Variants in LDLRAD3 observed in about 807,000 individuals in gnomAD.
LDLRAD3 encodes the protein low density lipoprotein receptor class A domain containing 3.
A neutral mutation model predicts 29.4 loss-of-function variants in LDLRAD3; 20 were observed. The observed-to-expected ratio is 0.68, with a 90% CI of 0.48 to 0.99. The LOEUF is 0.99. Among genes scored for constraint, LDLRAD3 ranks in the 50% least tolerant of loss-of-function variants. LDLRAD3 has a pLI of 0.00. For missense variants in LDLRAD3, 420 were observed against 454.3 expected, an observed-to-expected ratio of 0.92 and a Z score of 0.69; for synonymous variants, 157 against 192.7, an observed-to-expected ratio of 0.81 and a Z score of 1.53.
intron 4 of LDLRAD3, among the ~76,000 whole-genome samples, chr11:36,128,158 AAC>A (rs1853869978): frequency 1.1e-5 from 1 of 90,624 alleles, no homozygotes; most frequent in South Asian, 4.0e-4. Context: ...TAGGCAATTA[AAC>A]TTAGAATGGG....
intron 2 of LDLRAD3, among the ~76,000 whole-genome samples, chr11:36,072,593 C>T (rs1401434669): frequency 6.6e-6 from 1 of 152,158 alleles, no homozygotes; most frequent in Non-Finnish European, 1.5e-5. Flanking sequence ...CTCTAGGGTA[C>T]CCTGCCTAAA....
chr11:36,074,873 T>A (rs1290532045), intron 2 of LDLRAD3, among the ~76,000 whole-genome samples: 1 of 152,176 alleles, frequency 6.6e-6, no homozygotes, highest in Admixed American at 6.5e-5. Flanking sequence ...CTGTAGACTT[T>A]CCCAGCAGAA....
At chr11:36,049,438 A>C (rs1338565357) in intron 2 of LDLRAD3, among the ~76,000 whole-genome samples, 1 of 152,028 alleles carries the variant, frequency 6.6e-6, no homozygotes, top group Non-Finnish European at 1.5e-5. Flanking sequence ...GACCAGAGAG[A>C]CTCTCTCACT....
intron 4 of LDLRAD3, among the ~76,000 whole-genome samples, chr11:36,203,586 A>G (rs1221898189): frequency 6.6e-6 from 1 of 152,186 alleles, no homozygotes; most frequent in Non-Finnish European, 1.5e-5. Flanking sequence ...TAAGAGCCGG[A>G]GTGCGAGTGT....
intron 1 of LDLRAD3, among the ~76,000 whole-genome samples, chr11:36,013,736 G>C (rs1370388183): frequency 2.0e-5 from 3 of 151,900 alleles, no homozygotes; most frequent in Non-Finnish European, 4.4e-5. Flanking sequence ...TACAAAGTCT[G>C]TTTCCTTTTC....
chr11:35,947,466 C>T (rs549016392), intron 1 of LDLRAD3, among the ~76,000 whole-genome samples: 3 of 150,974 alleles, frequency 2.0e-5, no homozygotes, highest in South Asian at 4.2e-4. Flanking sequence ...GCCAAGATCG[C>T]GCCGCTGCAC....
Position 36,036,090 on chromosome 11 carries a change from C to T in LDLRAD3, c.47-13C>T, listed in dbSNP as rs949205609. Reference sequence around the variant, plus strand: ...GTTGCTGTGCCGTCTGACCTGTCCCCTCTCTCTGACAGAGAGCCAGCTGCT... The same window carrying T: ...GTTGCTGTGCCGTCTGACCTGTCCCTTCTCTCTGACAGAGAGCCAGCTGCT... On this transcript the variant is annotated splice_polypyrimidine_tract_variant and intron_variant, in intron 1 of 5. Coordinates refer to ENST00000315571, the MANE Select transcript of LDLRAD3 (RefSeq NM_174902.4). 6.2e-7 allele frequency: 1 copy of T among 1,612,724 alleles called. No homozygotes were observed. The highest frequency in any genetic ancestry group is 1.3e-5 in the African/African-American group (1 of 74,914).
intron 1 of LDLRAD3, among the ~76,000 whole-genome samples, chr11:36,000,840 C>CTGCT (rs1478344988): frequency 6.6e-6 from 1 of 152,076 alleles, no homozygotes; most frequent in Non-Finnish European, 1.5e-5. Context: ...GGATAGGAGG[C>CTGCT]TGCTGTAGTG....
In LDLRAD3 at chr11:36,229,732, T is replaced by G. The variant is rs556754579; in HGVS notation, c.*335T>G. ...AGGCTGGGAGAGAGCAATGTTTCTG[T>G]GCTATATTGGATGCTCAGAAGTGCA... On this transcript the variant is annotated 3_prime_UTR_variant, in exon 6 of 6. Transcript: ENST00000315571. 13 of 260,506 alleles carry G rather than the reference T, an allele frequency of 5.0e-5. 1 individual carries two copies. In the East Asian group the frequency reaches 9.4e-4, roughly 19 times the overall value. The allele number at this position is 260,506 out of a possible 1,614,324, so 16.1% of individuals were successfully genotyped here.
At position 36,090,862 on chromosome 11, in the gene LDLRAD3, A is replaced by G. The variant is rs540247035; in HGVS notation, c.320-7465A>G. 2.6e-5 allele frequency among the ~76,000 whole-genome samples: 4 copies of G among 152,168 alleles called. No individual in the cohort carries two copies. In the East Asian group the frequency reaches 7.7e-4, roughly 29 times the overall value. ...GGGGAAAGGCTGCTGAGGCTGGGGG[A>G]CCTGGTAGCCTTGGGGCTGGGAGAG... On this transcript the variant is annotated intron_variant, in intron 3 of 5. Coordinates refer to ENST00000315571, the MANE Select transcript of LDLRAD3 (RefSeq NM_174902.4).
intron 2 of LDLRAD3, among the ~76,000 whole-genome samples, chr11:36,065,656 G>C (rs1852778883): frequency 6.6e-6 from 1 of 152,188 alleles, no homozygotes; most frequent in Non-Finnish European, 1.5e-5. Context: ...TGCAGGCTGT[G>C]GGAACAGCCT....
chr11:35,947,402 C>G (rs1350527419), intron 1 of LDLRAD3, among the ~76,000 whole-genome samples: 3 of 151,820 alleles, frequency 2.0e-5, no homozygotes, highest in Non-Finnish European at 2.9e-5. Context: ...CCCAGCTACT[C>G]CGGAGGCCAA....
At chr11:36,077,815 C>T (rs753275674) in intron 2 of LDLRAD3, among the ~76,000 whole-genome samples, 1 of 152,198 alleles carries the variant, frequency 6.6e-6, no homozygotes, top group Non-Finnish European at 1.5e-5. Context: ...CTTCTCTCCT[C>T]TTGTCTGCTG....
At chr11:36,136,925 G>A (rs140406876) in intron 4 of LDLRAD3, among the ~76,000 whole-genome samples, 2,520 of 152,084 alleles carry the variant, frequency 0.017, 88 homozygotes, top group African/African-American at 0.058. Context: ...TCCTGGCCTC[G>A]AGTGATCCAC....
chr11:36,036,250 G>A lies in LDLRAD3; in HGVS notation c.193+1G>A, dbSNP rs780289857. 14 of 1,613,858 alleles carry A rather than the reference G, an allele frequency of 8.7e-6. No individual in the cohort carries two copies. The highest frequency in any genetic ancestry group is 3.3e-5 in the South Asian group (3 of 91,068). ...GACAAGAGTGATGAGAAGGAGTGCC[G>A]TGAGTGGCCTGGCCCTTTGCTGGGG... is the stretch of plus-strand genomic sequence containing the variant. On this transcript the variant is annotated splice_donor_variant, in intron 2 of 5. Transcript: ENST00000315571. LOFTEE classifies it high-confidence loss of function.
chr11:36,081,511 G>A, intron 2 of LDLRAD3, 142 bp from the exon 3 acceptor site: 4 of 1,076,882 alleles, frequency 3.7e-6, no homozygotes, highest in Non-Finnish European at 5.5e-6. Flanking sequence ...TTTGAGGTGG[G>A]TGGTGGTAAT....
chr11:35,981,835 G>T (rs192970176), intron 1 of LDLRAD3, among the ~76,000 whole-genome samples: 60 of 152,234 alleles, frequency 3.9e-4, no homozygotes, highest in African/African-American at 1.4e-3. Flanking sequence ...TGAGCGTTTG[G>T]GTGCTTGAGG....
chr11:36,090,247 A>G (rs1853260320), intron 3 of LDLRAD3, among the ~76,000 whole-genome samples: 1 of 152,216 alleles, frequency 6.6e-6, no homozygotes, highest in Admixed American at 6.6e-5. Context: ...GAAGCAGTTG[A>G]TAATGAGCAG....
Position 36,161,086 on chromosome 11 carries a change from C to T in LDLRAD3, c.454+62625C>T, listed in dbSNP as rs535335027. Among the ~76,000 whole-genome samples, 89 of 152,286 alleles carry T rather than the reference C, an allele frequency of 5.8e-4. 1 individual carries two copies. The highest frequency in any genetic ancestry group is 1.9e-3 in the African/African-American group (80 of 41,560). On this transcript the variant is annotated intron_variant, in intron 4 of 5. Transcript: ENST00000315571. ...CTGGGATTACAGGCGTGAGCCACCG[C>T]GCCTGGCCAGAAGCAGGATCTTGAA...
Sources: allele counts gnomAD v4.1 joint callset (sites outside exome capture counted in the v4.1 genomes callset), GRCh38; gene constraint gnomAD v4.1.1; transcripts MANE v1.5; gene names NCBI Gene and HGNC (gene_info 2026-07-23, HGNC 2026-07-21).